Variants in GAS7 observed in about 807,000 individuals in gnomAD.
The protein encoded by GAS7 is growth arrest-specific protein 7.
GAS7 carries 28 observed loss-of-function variants against 71.1 expected under a neutral mutation model. The ratio of observed to expected loss-of-function variants is 0.39; its 90% CI spans 0.29 to 0.54. GAS7 has a LOEUF of 0.54. Among genes scored for constraint, GAS7 ranks in the 20% least tolerant of loss-of-function variants. The probability of loss-of-function intolerance (pLI) is 0.62; values close to 1 mark genes in which losing one functional copy is unlikely to be tolerated. For synonymous variants in GAS7, 258 were observed against 245.8 expected (o/e 1.05, Z -0.46); for missense variants, 436 against 627.8 (o/e 0.69, Z 3.27).
At chr17:10,018,829 C>T (rs948069151) in intron 2 of GAS7, among the ~76,000 whole-genome samples, 2 of 152,180 alleles carry the variant, frequency 1.3e-5, no homozygotes, top group Non-Finnish European at 2.9e-5. Context: ...GAGTGAGAGG[C>T]CAAGGCTGAG....
At chr17:10,126,878 T>A (rs2073955529) in intron 1 of GAS7, among the ~76,000 whole-genome samples, 1 of 152,184 alleles carries the variant, frequency 6.6e-6, no homozygotes, top group Admixed American at 6.5e-5. Flanking sequence ...TTAAGCTGTG[T>A]GACCTTTTTT....
intron 1 of GAS7, among the ~76,000 whole-genome samples, chr17:10,187,236 T>C (rs2074462284): frequency 6.6e-6 from 1 of 152,184 alleles, no homozygotes. Flanking sequence ...ACACTGGGCG[T>C]TCCATCATCC....
At position 9,914,525 on chromosome 17, in the gene GAS7, C is replaced by G. The variant is rs192404090; in HGVS notation, c.*2703G>C. On this transcript the variant is annotated 3_prime_UTR_variant, in exon 14 of 14. Coordinates refer to ENST00000432992, the MANE Select transcript of GAS7 (RefSeq NM_201433.2). ...ACAGGCGTGAGCCACCGTGCCCGACCCTTATTTGTAAAGAGTTATTTAAAG... is the reference window on the plus strand; with the variant it reads ...ACAGGCGTGAGCCACCGTGCCCGACGCTTATTTGTAAAGAGTTATTTAAAG... The G allele has an allele frequency of 5.3e-6, 1 of 188,066 alleles. No individual in the cohort carries two copies. The highest frequency in any genetic ancestry group is 6.2e-5 in the Admixed American group (1 of 16,134). The allele number at this position is 188,066 out of a possible 1,614,324, so 11.6% of individuals were successfully genotyped here.
chr17:10,093,542 G>A (rs1221227293), intron 1 of GAS7, among the ~76,000 whole-genome samples: 2 of 107,780 alleles, frequency 1.9e-5, no homozygotes, highest in African/African-American at 7.7e-5. Flanking sequence ...AACAGAGTGA[G>A]ACTCCGTCTC....
intron 1 of GAS7, among the ~76,000 whole-genome samples, chr17:10,088,453 T>C (rs1293570675): frequency 6.6e-6 from 1 of 151,932 alleles, no homozygotes; most frequent in Non-Finnish European, 1.5e-5. Context: ...AATGAGGGGT[T>C]CAGGAAAAGG....
At position 10,026,061 on chromosome 17, in the gene GAS7, T is replaced by C. The variant is rs2152214331; in HGVS notation, c.184-6164A>G. 1.8e-6 allele frequency: 1 copy of C among 551,546 alleles called. No homozygotes were observed. Among genetic ancestry groups the C allele is most frequent in the Non-Finnish European group, 2.3e-6 (1 of 433,514 alleles). 34.2% of individuals were successfully genotyped at this position (551,546 alleles called of 1,614,324 possible). On this transcript the variant is annotated intron_variant, in intron 1 of 13. Coordinates refer to ENST00000432992, the MANE Select transcript of GAS7 (RefSeq NM_201433.2). This position sits in a 1 kb window ranked among gnomAD's most constrained non-coding sequence, Gnocchi z 4.5. ...ACTCCGCTCCCTACCGCTCCCACCATGCTTCAAGCTCAAGTTCAACCCGGA... is the reference window on the plus strand; with the variant it reads ...ACTCCGCTCCCTACCGCTCCCACCACGCTTCAAGCTCAAGTTCAACCCGGA...
intron 1 of GAS7, among the ~76,000 whole-genome samples, chr17:10,100,532 A>C (rs931899413): frequency 6.6e-6 from 1 of 152,066 alleles, no homozygotes; most frequent in East Asian, 1.9e-4. Context: ...CATCACTACC[A>C]TATCTTACCA....
intron 2 of GAS7, among the ~76,000 whole-genome samples, chr17:10,014,919 C>T (rs915485477): frequency 2.6e-5 from 4 of 152,030 alleles, no homozygotes; most frequent in African/African-American, 9.7e-5. Context: ...CTTTGGGAGG[C>T]TGAGGAGGGG....
In GAS7 at chr17:9,928,701, A is replaced by T. The variant is rs544205401; in HGVS notation, c.886-1932T>A. The stretch of plus-strand genomic sequence containing the variant: ...TACAATATCTTTTTCTCTGGATACA[A>T]CCAGGACTTAGGTGTCCCTATTCTA... On this transcript the variant is annotated intron_variant, in intron 9 of 13. Transcript: ENST00000432992. Among the ~76,000 whole-genome samples the T allele has an allele frequency of 3.6e-4, 55 of 152,306 alleles. 1 individual carries two copies. In the South Asian group the frequency reaches 9.5e-3, roughly 26 times the overall value.
intron 1 of GAS7, among the ~76,000 whole-genome samples, chr17:10,115,303 C>T (rs796152766): frequency 6.6e-6 from 1 of 152,208 alleles, no homozygotes; most frequent in Non-Finnish European, 1.5e-5. Context: ...GGGAGCCCCC[C>T]GTGGGACTGG....
chr17:10,149,245 G>A (rs1426655281), intron 1 of GAS7, among the ~76,000 whole-genome samples: 1 of 152,070 alleles, frequency 6.6e-6, no homozygotes, highest in African/African-American at 2.4e-5. Context: ...TGGGATTACA[G>A]GTGCCCGCCA....
chr17:9,933,253 G>A (rs1370348542), intron 9 of GAS7, among the ~76,000 whole-genome samples: 2 of 152,090 alleles, frequency 1.3e-5, no homozygotes. Context: ...CTGAAATTTT[G>A]CAACAACCAC....
intron 12 of GAS7, among the ~76,000 whole-genome samples, chr17:9,918,974 G>A (rs1567768526): frequency 6.6e-6 from 1 of 152,168 alleles, no homozygotes; most frequent in East Asian, 1.9e-4. Context: ...TTAGTCCTGT[G>A]CTGGATGGAC....
chr17:9,979,705 C>T (rs2070339002), intron 3 of GAS7, among the ~76,000 whole-genome samples: 1 of 152,156 alleles, frequency 6.6e-6, no homozygotes, highest in Non-Finnish European at 1.5e-5. Flanking sequence ...TCTACACATC[C>T]GAGCCTCCCT....
chr17:9,974,282 C>T lies in GAS7; in HGVS notation c.386-4520G>A, dbSNP rs527982719. Reference sequence around the variant, plus strand: ...AAGTCTCCCGGGCACATTCAGAATACGTCTCAGTGGAGATCTAGACAGTTA... The same window carrying T: ...AAGTCTCCCGGGCACATTCAGAATATGTCTCAGTGGAGATCTAGACAGTTA... On this transcript the variant is annotated intron_variant, in intron 3 of 13. Transcript: ENST00000432992. The surrounding 1 kb of genome is among the most constrained non-coding windows in gnomAD (Gnocchi z 4.0). 7.7e-4 allele frequency among the ~76,000 whole-genome samples: 118 copies of T among 152,300 alleles called. No individual in the cohort carries two copies. The highest frequency in any genetic ancestry group is 1.4e-3 in the Non-Finnish European group (93 of 68,012).
At position 9,974,465 on chromosome 17, in the gene GAS7, TGG is replaced by T. The variant is rs916458201; in HGVS notation, c.386-4705_386-4704del. ...GCCTCTGGGGGAAGAAAAATGAAATTGGTCAAGGATCGCTCATAAAGGGAACA... is the reference window on the plus strand; with the variant it reads ...GCCTCTGGGGGAAGAAAAATGAAATTTCAAGGATCGCTCATAAAGGGAACA... On this transcript the variant is annotated intron_variant, in intron 3 of 13. Transcript: ENST00000432992. The surrounding 1 kb of genome is among the most constrained non-coding windows in gnomAD (Gnocchi z 4.0). Among the ~76,000 whole-genome samples, 1 of 151,336 alleles carries T rather than the reference TGG, an allele frequency of 6.6e-6. No individual in the cohort carries two copies. The highest frequency in any genetic ancestry group is 6.6e-5 in the Admixed American group (1 of 15,180).
intron 1 of GAS7, among the ~76,000 whole-genome samples, chr17:10,155,337 A>T (rs951420030): frequency 3.9e-5 from 6 of 152,098 alleles, no homozygotes; most frequent in Non-Finnish European, 5.9e-5. Flanking sequence ...TTTTTAAGAC[A>T]AGAAATATTA....
In GAS7 at chr17:9,959,513, CCCT is replaced by C. The variant is rs1274308885; in HGVS notation, c.472-261_472-259del. On this transcript the variant is annotated intron_variant, in intron 4 of 13. Transcript: ENST00000432992. This position sits in a 1 kb window ranked among gnomAD's most constrained non-coding sequence, Gnocchi z 5.0. The stretch of plus-strand genomic sequence containing the variant: ...AGAGAACTGCTCCAAACCAGGTCTC[CCCT>C]CCTCTTCTCTCAGTCTGTGATTTGG... 9 of 1,257,476 alleles carry C rather than the reference CCCT, an allele frequency of 7.2e-6. No individual in the cohort carries two copies. Among genetic ancestry groups the C allele is most frequent in the South Asian group, 1.9e-5 (1 of 51,534 alleles). The allele number at this position is 1,257,476 out of a possible 1,614,324, so 77.9% of individuals were successfully genotyped here.
chr17:9,950,835 G>A (rs1597519930), intron 5 of GAS7, among the ~76,000 whole-genome samples: 2 of 151,488 alleles, frequency 1.3e-5, no homozygotes, highest in East Asian at 1.9e-4. Context: ...CAGCCTGGGT[G>A]ACAGGGCGAG....
Sources: gnomAD v4.1 joint callset for allele counts (sites outside exome capture counted in the v4.1 genomes callset) on GRCh38, gnomAD v4.1.1 for gene constraint, Gnocchi (gnomAD v3.1) non-coding constraint, MANE v1.5 for transcripts, NCBI Gene and HGNC (gene_info 2026-07-23, HGNC 2026-07-21) for gene names.